Variants in SOX6 observed in about 807,000 individuals in gnomAD.
The protein encoded by SOX6 is transcription factor SOX-6.
Under a neutral mutation model 97.8 loss-of-function variants are expected in SOX6, and 11 were observed. The observed-to-expected ratio is 0.11, with a 90% CI of 0.07 to 0.19. SOX6 has a LOEUF of 0.19. SOX6 is among the 10% of genes least tolerant of loss of function. SOX6 has a pLI of 1.00. For missense variants in SOX6, 810 were observed against 1,039.5 expected (o/e 0.78, Z 3.04); for synonymous variants, 360 against 371.4 (o/e 0.97, Z 0.35).
chr11:16,363,802 TAA>T (rs113077220), intron 1 of SOX6, among the ~76,000 whole-genome samples: 4 of 147,414 alleles, frequency 2.7e-5, no homozygotes, highest in African/African-American at 1.0e-4. Context: ...AGCTTAAAGA[TAA>T]AAAAAAAAAG....
At chr11:16,039,213 G>T (rs1296775478) in intron 12 of SOX6, among the ~76,000 whole-genome samples, 1 of 151,820 alleles carries the variant, frequency 6.6e-6, no homozygotes, top group Admixed American at 6.6e-5. Context: ...TTGTTTTACT[G>T]CACGTATCAC....
chr11:16,510,270 T>C (rs1860858782), intron 4 of SOX6, among the ~76,000 whole-genome samples: 1 of 152,112 alleles, frequency 6.6e-6, no homozygotes, highest in South Asian at 2.1e-4. Context: ...GTTTTACTCA[T>C]TTACTTCCTT....
intron 4 of SOX6, among the ~76,000 whole-genome samples, chr11:16,583,578 T>C (rs890699089): frequency 8.0e-5 from 6 of 75,222 alleles, no homozygotes; most frequent in Non-Finnish European, 1.5e-4. Flanking sequence ...TATTTCATTG[T>C]GTATATATAT....
chr11:15,975,990 C>A (rs562328490), intron 15 of SOX6, among the ~76,000 whole-genome samples: 27 of 152,246 alleles, frequency 1.8e-4, no homozygotes, highest in African/African-American at 4.6e-4. Context: ...GAGTGAGATG[C>A]ATGATATTCA....
chr11:16,053,590 TA>T (rs1313270059), intron 10 of SOX6, among the ~76,000 whole-genome samples: 1 of 152,108 alleles, frequency 6.6e-6, no homozygotes, highest in Non-Finnish European at 1.5e-5. Flanking sequence ...AGAAAGACAC[TA>T]AGTGGCTTGG....
At chr11:15,974,378 C>CTTTTTTT (rs35597667) in intron 15 of SOX6, among the ~76,000 whole-genome samples, 462 of 85,632 alleles carry the variant, frequency 5.4e-3, no homozygotes, top group Non-Finnish European at 6.9e-3. Context: ...TTAGCTCTCT[C>CTTTTTTT]TTTTTTTTTT....
intron 12 of SOX6, among the ~76,000 whole-genome samples, chr11:16,044,986 A>G (rs999772013): frequency 3.3e-5 from 5 of 151,862 alleles, no homozygotes; most frequent in African/African-American, 9.7e-5. Context: ...CTATCTATCT[A>G]TCTATCATCT....
In SOX6 at chr11:16,489,895, A is replaced by G. The variant is rs573119300; in HGVS notation, n.610-13507T>C. On this transcript the variant is annotated intron_variant and non_coding_transcript_variant, in intron 4 of 5. Coordinates refer to the SOX6 transcript ENST00000524520. ...TCAAACCCTGGTTCTGACATTTGCTAGATATGTAACCATGGGCAATTATTT... is the reference window on the plus strand; with the variant it reads ...TCAAACCCTGGTTCTGACATTTGCTGGATATGTAACCATGGGCAATTATTT... Among the ~76,000 whole-genome samples the G allele has an allele frequency of 3.3e-5, 5 of 152,248 alleles. No individual in the cohort carries two copies. In the East Asian group the frequency reaches 7.7e-4, roughly 23 times the overall value.
chr11:16,115,283 A>G (rs1233330433), intron 6 of SOX6, among the ~76,000 whole-genome samples: 3 of 152,186 alleles, frequency 2.0e-5, no homozygotes, highest in Non-Finnish European at 4.4e-5. Flanking sequence ...AACCTTTTAA[A>G]AAAGCAAATT....
At chr11:16,496,302 C>A (rs536490217) in intron 4 of SOX6, among the ~76,000 whole-genome samples, 2 of 118,426 alleles carry the variant, frequency 1.7e-5, no homozygotes, top group South Asian at 3.3e-4. Context: ...CAATGAGACA[C>A]AAGAGAACAT....
intron 3 of SOX6, among the ~76,000 whole-genome samples, chr11:16,678,774 A>C (rs1300546524): frequency 1.3e-5 from 2 of 152,212 alleles, no homozygotes; most frequent in African/African-American, 4.8e-5. Context: ...CCACGATCTT[A>C]GCAACCAGCA....
At chr11:16,140,027 A>G (rs899908357) in intron 6 of SOX6, among the ~76,000 whole-genome samples, 1 of 150,824 alleles carries the variant, frequency 6.6e-6, no homozygotes, top group African/African-American at 2.4e-5. Flanking sequence ...GTGTGTGTAT[A>G]TTTATATGTG....
intron 1 of SOX6, among the ~76,000 whole-genome samples, chr11:16,434,744 A>G (rs1859341092): frequency 6.6e-6 from 1 of 152,182 alleles, no homozygotes; most frequent in Admixed American, 6.6e-5. Flanking sequence ...TGAATAGAAA[A>G]CTAGACCAAA....
rs1289292110 is a variant in SOX6 at position 16,610,980 on chromosome 11, G to A, written n.609+1101C>T. 6.6e-6 allele frequency among the ~76,000 whole-genome samples: 1 copy of A among 152,240 alleles called. No homozygotes were observed. Among genetic ancestry groups the A allele is most frequent in the Non-Finnish European group, 1.5e-5 (1 of 68,046 alleles). On this transcript the variant is annotated intron_variant and non_coding_transcript_variant, in intron 4 of 5. Coordinates refer to the SOX6 transcript ENST00000524520. This position sits in a 1 kb window ranked among gnomAD's most constrained non-coding sequence, Gnocchi z 4.4. Reference sequence around the variant, plus strand: ...AGCCCCACGCGGCGCAAGAACCCCGGGCGCTGAGCTCCGGGGAACCTGGGA... The same window carrying A: ...AGCCCCACGCGGCGCAAGAACCCCGAGCGCTGAGCTCCGGGGAACCTGGGA...
chr11:16,438,484 TA>T (rs1466714202), intron 1 of SOX6, among the ~76,000 whole-genome samples: 1 of 152,186 alleles, frequency 6.6e-6, no homozygotes, highest in African/African-American at 2.4e-5. Context: ...GAACTAGGTA[TA>T]TGCAGAATTG....
chr11:16,558,561 C>A (rs1403949684), intron 4 of SOX6, among the ~76,000 whole-genome samples: 1 of 152,012 alleles, frequency 6.6e-6, no homozygotes, highest in Non-Finnish European at 1.5e-5. Flanking sequence ...TTACCCAAAG[C>A]AGAAACTTAA....
chr11:16,033,849 G>A lies in SOX6; in HGVS notation c.1623+12665C>T, dbSNP rs1011741663. On this transcript the variant is annotated intron_variant, in intron 12 of 15. Transcript: ENST00000683767. Reference sequence around the variant, plus strand: ...ATCGTGCCATTGCACTCCAGCCTGGGCAACAAGAACGAAACTCTGTCTCCA... The same window carrying A: ...ATCGTGCCATTGCACTCCAGCCTGGACAACAAGAACGAAACTCTGTCTCCA... Among the ~76,000 whole-genome samples the A allele has an allele frequency of 5.3e-5, 8 of 151,754 alleles. No homozygotes were observed. The South Asian group carries it at 1.0e-3, about 20-fold the overall frequency.
intron 3 of SOX6, among the ~76,000 whole-genome samples, chr11:16,249,599 G>A (rs1356778639): frequency 1.3e-5 from 2 of 151,936 alleles, no homozygotes; most frequent in African/African-American, 2.4e-5. Flanking sequence ...CACATTTTTG[G>A]GTATCTTTGT....
At chr11:16,256,024 A>T (rs1853671072) in intron 3 of SOX6, among the ~76,000 whole-genome samples, 1 of 152,034 alleles carries the variant, frequency 6.6e-6, no homozygotes, top group Non-Finnish European at 1.5e-5. Context: ...AAGAGAAACG[A>T]CACAATCTGC....
Sources: allele counts gnomAD v4.1 joint callset (sites outside exome capture counted in the v4.1 genomes callset), GRCh38; gene constraint gnomAD v4.1.1; non-coding constraint Gnocchi (gnomAD v3.1); transcripts MANE v1.5; gene names NCBI Gene and HGNC (gene_info 2026-07-23, HGNC 2026-07-21).